The following PDE4D variants were observed in gnomAD, a reference collection of about 807,000 sequenced individuals.
The protein encoded by PDE4D is phosphodiesterase 4D.
In PDE4D, 24 loss-of-function variants were observed where a neutral mutation model predicts 87.4. The observed-to-expected ratio is 0.27, with a 90% CI of 0.20 to 0.39. The LOEUF (loss-of-function observed/expected upper bound fraction) is 0.39. Ranked by LOEUF, PDE4D falls within the 10% of genes least tolerant of loss-of-function variation. The pLI, the probability that PDE4D is intolerant of heterozygous loss-of-function variation, is 1.00. For synonymous variants in PDE4D, 384 were observed against 383.2 expected, an observed-to-expected ratio of 1.00 and a Z score of -0.02; for missense variants, 714 against 1,041.0, an observed-to-expected ratio of 0.69 and a Z score of 4.32.
At chr5:60,338,402 A>G (rs575685150) in intron 1 of PDE4D, among the ~76,000 whole-genome samples, 11 of 152,324 alleles carry the variant, frequency 7.2e-5, no homozygotes, top group African/African-American at 2.6e-4. Context: ...TGCCGCCGCC[A>G]CTGAAAGCCA....
intron 1 of PDE4D, among the ~76,000 whole-genome samples, chr5:59,254,906 C>T (rs1760675735): frequency 1.3e-5 from 2 of 152,062 alleles, no homozygotes; most frequent in Admixed American, 6.6e-5. Flanking sequence ...TTAACTTTTC[C>T]ACTTAAAAAT....
intron 2 of PDE4D, among the ~76,000 whole-genome samples, chr5:60,179,445 C>T (rs1281250932): frequency 6.6e-6 from 1 of 152,016 alleles, no homozygotes; most frequent in Non-Finnish European, 1.5e-5. Flanking sequence ...TATTGTATAG[C>T]ATTTTTAAAA....
At chr5:59,962,594 A>C in intron 3 of PDE4D, among the ~76,000 whole-genome samples, 1 of 149,124 alleles carries the variant, frequency 6.7e-6, no homozygotes, top group Middle Eastern at 3.4e-3. Context: ...AAACTTTTCT[A>C]ACTATTAATA....
intron 1 of PDE4D, among the ~76,000 whole-genome samples, chr5:59,816,674 G>T (rs546213210): frequency 6.6e-6 from 1 of 151,976 alleles, no homozygotes; most frequent in African/African-American, 2.4e-5. Flanking sequence ...CCTCACTACC[G>T]CTATGTACAC....
intron 2 of PDE4D, among the ~76,000 whole-genome samples, chr5:60,079,422 T>C (rs1355106587): frequency 6.6e-6 from 1 of 152,212 alleles, no homozygotes; most frequent in African/African-American, 2.4e-5. Context: ...GCAATTGCCT[T>C]TGGTGTTTTT....
chr5:59,170,049 G>A (rs1782513639), intron 5 of PDE4D, among the ~76,000 whole-genome samples: 1 of 152,156 alleles, frequency 6.6e-6, no homozygotes. Flanking sequence ...TTCTTACTCT[G>A]AGACAGAGTT....
chr5:59,785,386 C>T (rs1047671608), intron 1 of PDE4D, among the ~76,000 whole-genome samples: 8 of 152,200 alleles, frequency 5.3e-5, no homozygotes, highest in African/African-American at 1.9e-4. Flanking sequence ...GATTCACTAA[C>T]TCATTCATAC....
intron 1 of PDE4D, among the ~76,000 whole-genome samples, chr5:59,348,438 C>T (rs1198927987): frequency 6.6e-6 from 1 of 150,988 alleles, no homozygotes; most frequent in Admixed American, 6.6e-5. Context: ...AAATAGTGCC[C>T]TTCCCCTCCC....
intron 2 of PDE4D, among the ~76,000 whole-genome samples, chr5:60,067,018 G>A (rs983626697): frequency 6.6e-6 from 1 of 152,070 alleles, no homozygotes; most frequent in Non-Finnish European, 1.5e-5. Context: ...AATAAAATAC[G>A]AAAGAAAGTT....
chr5:59,814,151 C>T (rs1244325570), intron 1 of PDE4D, among the ~76,000 whole-genome samples: 2 of 152,104 alleles, frequency 1.3e-5, no homozygotes, highest in African/African-American at 2.4e-5. Flanking sequence ...CTTCCTGGCA[C>T]TAGGGGGCGG....
At chr5:60,492,313 C>G (rs560614920), upstream of PDE4D, among the ~76,000 whole-genome samples, 8 of 152,100 alleles carry the variant, frequency 5.3e-5, no homozygotes, top group African/African-American at 1.9e-4. Context: ...TAGCACACAC[C>G]TGTAGTCCCA....
intron 1 of PDE4D, among the ~76,000 whole-genome samples, chr5:59,449,140 A>G (rs1798776826): frequency 6.6e-6 from 1 of 152,242 alleles, no homozygotes; most frequent in Non-Finnish European, 1.5e-5. Context: ...TTCCACTGTG[A>G]ACAGCATTAA....
intron 1 of PDE4D, chr5:59,558,836 C>A (rs1819438571): frequency 6.6e-6 from 1 of 152,162 alleles, no homozygotes; most frequent in African/African-American, 2.4e-5. Flanking sequence ...TCACTGCACT[C>A]ATACTATATG....
At chr5:60,347,959 C>T (rs564767621) in intron 1 of PDE4D, among the ~76,000 whole-genome samples, 2 of 152,246 alleles carry the variant, frequency 1.3e-5, no homozygotes, top group South Asian at 4.1e-4. Context: ...GGAGTAATCA[C>T]AATCAGCCCA....
chr5:60,036,738 T>A (rs562135820), intron 2 of PDE4D, among the ~76,000 whole-genome samples: 3 of 152,316 alleles, frequency 2.0e-5, no homozygotes, highest in African/African-American at 7.2e-5. Flanking sequence ...TGTTGCCTAG[T>A]TACCCTCGTG....
At chr5:59,075,845 C>T (rs1036938951) in intron 5 of PDE4D, among the ~76,000 whole-genome samples, 4 of 151,808 alleles carry the variant, frequency 2.6e-5, no homozygotes, top group Non-Finnish European at 2.9e-5. Context: ...TATAAATATC[C>T]ATTTTTTTTA....
At chr5:60,028,506 C>T (rs977083795) in intron 2 of PDE4D, among the ~76,000 whole-genome samples, 4 of 152,114 alleles carry the variant, frequency 2.6e-5, no homozygotes, top group Non-Finnish European at 4.4e-5. Context: ...TTTTCCTTCC[C>T]TCCAACATAT....
At chr5:59,298,939 C>T (rs535528971) in intron 1 of PDE4D, among the ~76,000 whole-genome samples, 76 of 152,192 alleles carry the variant, frequency 5.0e-4, no homozygotes, top group African/African-American at 1.8e-3. Context: ...AATACCAATA[C>T]AAAAACAATA....
intron 1 of PDE4D, among the ~76,000 whole-genome samples, chr5:60,438,609 C>T (rs763570111): frequency 5.9e-5 from 9 of 151,994 alleles, no homozygotes; most frequent in Non-Finnish European, 1.3e-4. Flanking sequence ...TCAGTCTACA[C>T]AGACCTGGAA....
Sources: gnomAD v4.1 joint callset for allele counts (sites outside exome capture counted in the v4.1 genomes callset) on GRCh38, gnomAD v4.1.1 for gene constraint, MANE v1.5 for transcripts, NCBI Gene and HGNC (gene_info 2026-07-23, HGNC 2026-07-21) for gene names.